The following SPATA9 variants were observed in gnomAD, a reference collection of about 807,000 sequenced individuals.
SPATA9 encodes the protein spermatogenesis-associated protein 9.
In SPATA9, 27 loss-of-function variants were observed where a neutral mutation model predicts 25.5. The observed-to-expected ratio is 1.06, with a 90% CI of 0.78 to 1.46. The LOEUF (loss-of-function observed/expected upper bound fraction) is 1.46. Ranked by LOEUF, SPATA9 falls within the 40% of genes most tolerant of loss-of-function variation. The pLI is 0.00. For missense variants in SPATA9, 282 were observed against 297.5 expected (o/e 0.95, Z 0.38); for synonymous variants, 102 against 105.7 (o/e 0.97, Z 0.21).
rs187970228 is a variant in SPATA9 at position 95,693,369 on chromosome 5, T to C, written n.124+5219A>G. On this transcript the variant is annotated intron_variant and non_coding_transcript_variant, in intron 1 of 2. Transcript: ENST00000379990. ...TAATAAATAAAGCATAATATATCCATAATAGCTGCTGTACAGCAATAAAAA... is the reference window on the plus strand; with the variant it reads ...TAATAAATAAAGCATAATATATCCACAATAGCTGCTGTACAGCAATAAAAA... Among the ~76,000 whole-genome samples the C allele has an allele frequency of 3.3e-5, 5 of 152,322 alleles. No individual in the cohort carries two copies. The East Asian group carries it at 5.8e-4, about 18-fold the overall frequency.
downstream of SPATA9, chr5:95,652,521 C>T: frequency 4.3e-6 from 3 of 693,480 alleles, no homozygotes; most frequent in Non-Finnish European, 6.4e-6. Context: ...CCATTCATTT[C>T]TTGGCCTTTC....
downstream of SPATA9, chr5:95,657,676 A>G (rs1269329905): frequency 6.6e-6 from 1 of 152,128 alleles, no homozygotes. Context: ...ATATTATTAC[A>G]CTTCCTTTTC....
At chr5:95,685,474 G>A (rs1753717561), upstream of SPATA9, among the ~76,000 whole-genome samples, 1 of 152,170 alleles carries the variant, frequency 6.6e-6, no homozygotes, top group African/African-American at 2.4e-5. Flanking sequence ...TCAAGGATTT[G>A]GACTCGAAGT....
chr5:95,692,861 A>G (rs751240637), intron 1 of SPATA9, among the ~76,000 whole-genome samples: 6 of 152,044 alleles, frequency 3.9e-5, no homozygotes, highest in South Asian at 2.1e-4. Context: ...CTACATACCA[A>G]TTTTTTTCAC....
At position 95,658,959 on chromosome 5, in the gene SPATA9, A is replaced by G. The variant is rs373974587; in HGVS notation, c.475-46T>C. On this transcript the variant is annotated intron_variant, in intron 4 of 4. Transcript: ENST00000274432. Reference sequence around the variant, plus strand: ...GTAAAGTGAAGTTTCTTTTTAAGCTACTAACCACAGATTAAAAACATACAA... The same window carrying G: ...GTAAAGTGAAGTTTCTTTTTAAGCTGCTAACCACAGATTAAAAACATACAA... 1.5e-5 allele frequency: 23 copies of G among 1,540,322 alleles called. No homozygotes were observed. In the African/African-American group the frequency reaches 1.5e-4, roughly 10 times the overall value.
chr5:95,674,920 C>A, intron 3 of SPATA9: 1 of 348,790 alleles, frequency 2.9e-6, no homozygotes, highest in Non-Finnish European at 5.6e-6. Context: ...TTCTGTGCCA[C>A]GAAGTTTAGA....
chr5:95,677,557 AATGCC>A (rs1434155757), intron 2 of SPATA9, among the ~76,000 whole-genome samples: 2 of 152,160 alleles, frequency 1.3e-5, no homozygotes, highest in African/African-American at 4.8e-5. Flanking sequence ...CAGAAACCTA[AATGCC>A]ATTACAGGTA....
intron 1 of SPATA9, among the ~76,000 whole-genome samples, chr5:95,689,453 AT>A (rs1204603036): frequency 2.0e-5 from 3 of 152,142 alleles, no homozygotes; most frequent in African/African-American, 2.4e-5. Flanking sequence ...AATCCCTAAA[AT>A]TTTTTTAAAG....
chr5:95,729,237 G>T, the SPATA9 span, among the ~76,000 whole-genome samples: 1 of 152,138 alleles, frequency 6.6e-6, no homozygotes, highest in Non-Finnish European at 1.5e-5. Context: ...GGAGGTCCAA[G>T]AACTCTCTTT....
the SPATA9 span, among the ~76,000 whole-genome samples, chr5:95,721,115 C>G: frequency 1.8e-4 from 28 of 152,250 alleles, no homozygotes; most frequent in East Asian, 1.7e-3. Flanking sequence ...GGCAAAAAAC[C>G]TTGGCAAGAT....
intron 2 of SPATA9, 60 bp downstream of exon 2, chr5:95,682,468 T>C (rs1753547765): frequency 8.4e-7 from 1 of 1,197,438 alleles, no homozygotes; most frequent in Non-Finnish European, 1.2e-6. Flanking sequence ...ATAATGGGTA[T>C]GATACTAAAA....
chr5:95,721,869 A>G, the SPATA9 span, among the ~76,000 whole-genome samples: 5 of 152,190 alleles, frequency 3.3e-5, no homozygotes, highest in Admixed American at 2.0e-4. Context: ...AGGACTATTC[A>G]TGAGGGGTAG....
chr5:95,731,510 T>A, the SPATA9 span: 1 of 1,252,910 alleles, frequency 8.0e-7, no homozygotes, highest in South Asian at 3.3e-5. Context: ...GCTCGCTCGC[T>A]GGCTGGCGCG....
At chr5:95,656,513 C>A, downstream of SPATA9, 1 of 484,714 alleles carries the variant, frequency 2.1e-6, no homozygotes, top group East Asian at 3.4e-5. Flanking sequence ...TTTATCGAAT[C>A]TTCTGGATTA....
At chr5:95,721,778 A>G in the SPATA9 span, among the ~76,000 whole-genome samples, 1 of 152,142 alleles carries the variant, frequency 6.6e-6, no homozygotes, top group South Asian at 2.1e-4. Flanking sequence ...CAGCAGGAAA[A>G]AAACAGAAAG....
chr5:95,683,976 TG>T (rs1753651529), upstream of SPATA9, among the ~76,000 whole-genome samples: 1 of 152,184 alleles, frequency 6.6e-6, no homozygotes, highest in African/African-American at 2.4e-5. Flanking sequence ...AGTGTCTTCA[TG>T]GGAACAGTTT....
In SPATA9 at chr5:95,658,866, C is replaced by T. The variant is rs1285610897; in HGVS notation, c.522G>A (p.Gln174=). Residue 174 remains glutamine (Q), a synonymous_variant, in exon 5 of 5, where the codon CAG becomes CAA. Coordinates refer to ENST00000274432, the MANE Select transcript of SPATA9 (RefSeq NM_031952.4). ...TGTTTTGCCTTATGGATTCTTCTTCCTGGAAGATGTTCTTTACCTTCTTCA... is the reference window on the plus strand; with the variant it reads ...TGTTTTGCCTTATGGATTCTTCTTCTTGGAAGATGTTCTTTACCTTCTTCA... ...AVLKKVKNIF[Q]EEESIRQNRE... 4 of 1,613,818 alleles carry T rather than the reference C, an allele frequency of 2.5e-6. No individual in the cohort carries two copies. The highest frequency in any genetic ancestry group is 1.1e-5 in the South Asian group (1 of 91,076).
At chr5:95,731,831 T>C in the SPATA9 span, 4 of 1,605,208 alleles carry the variant, frequency 2.5e-6, no homozygotes. Context: ...GTGCTTCCCT[T>C]CTCCCCTCGC....
intron 4 of SPATA9, 143 bp downstream of exon 4, chr5:95,663,810 A>C (rs1451782101): frequency 2.2e-6 from 1 of 455,322 alleles, no homozygotes; most frequent in South Asian, 1.1e-4. Flanking sequence ...CAGAAAAGGA[A>C]ATTTTTAATA....
Sources: allele counts gnomAD v4.1 joint callset (sites outside exome capture counted in the v4.1 genomes callset), GRCh38; gene constraint gnomAD v4.1.1; transcripts MANE v1.5; gene names NCBI Gene and HGNC (gene_info 2026-07-23, HGNC 2026-07-21).